FBRSL1: variants seen among roughly 807,000 people sequenced by gnomAD.
FBRSL1 encodes the protein fibrosin-1-like protein.
A neutral mutation model predicts 89.6 loss-of-function variants in FBRSL1; 51 were observed. The observed-to-expected ratio is 0.57, with a 90% CI of 0.45 to 0.72. The LOEUF is 0.72. Among genes scored for constraint, FBRSL1 ranks in the 30% least tolerant of loss-of-function variants. The pLI, the probability that FBRSL1 is intolerant of heterozygous loss-of-function variation, is 0.00. For synonymous variants in FBRSL1, 779 were observed against 681.1 expected (o/e 1.14, Z -2.24); for missense variants, 1,618 against 1,451.8 (o/e 1.11, Z -1.86).
rs1217056414 is a variant in FBRSL1, at chr12:132,572,288, T to C, written c.1378T>C (p.Phe460Leu). 1.9e-6 allele frequency: 3 copies of C among 1,550,826 alleles called. No individual in the cohort carries two copies. The highest frequency in any genetic ancestry group is 2.7e-5 in the African/African-American group (2 of 73,014). ...TCACCCTCCTCTCCTTCCCTTCCAG[T>C]TTGACAAGTATGCGCCCAAGCTGGA... ...GLACRPRECQ[F>L]DKYAPKLDSP... Residue 460 changes from phenylalanine to leucine, a missense_variant and splice_region_variant, in exon 10 of 19, where the codon TTT becomes CTT. Physicochemically the swap from Phe to Leu is conservative, Grantham distance 22. Coordinates refer to ENST00000680143, the MANE Select transcript of FBRSL1 (RefSeq NM_001367871.1).
chr12:132,567,460 AC>A lies in FBRSL1; in HGVS notation c.646-15del, dbSNP rs906750384. 7.7e-6 allele frequency: 12 copies of A among 1,549,856 alleles called. No individual in the cohort carries two copies. Among genetic ancestry groups the A allele is most frequent in the Non-Finnish European group, 1.0e-5 (12 of 1,146,480 alleles). ...ATGAGGACCACCCTGACTGCCCCTG[AC>A]CCCCCTTCTCTCTCTCCAGGCATCC... On this transcript the variant is annotated intron_variant, in intron 5 of 18. Transcript: ENST00000680143.
intron 1 of FBRSL1, among the ~76,000 whole-genome samples, chr12:132,505,031 CAGG>C (rs1398382498): frequency 6.6e-6 from 1 of 152,186 alleles, no homozygotes; most frequent in African/African-American, 2.4e-5. Context: ...GAGGCTGAGG[CAGG>C]AGAATTGCTT....
chr12:132,503,863 A>T (rs36098511), intron 1 of FBRSL1, among the ~76,000 whole-genome samples: 37,208 of 152,078 alleles, frequency 0.24, 5,277 homozygotes, highest in Non-Finnish European at 0.32. Context: ...GTGTGAGCCA[A>T]CAAGGTTCTG....
intron 5 of FBRSL1, chr12:132,551,457 G>C (rs760287169): frequency 2.2e-6 from 1 of 456,212 alleles, no homozygotes; most frequent in Non-Finnish European, 4.4e-6. Flanking sequence ...GCAGGTGGCA[G>C]TGCACCCCGA....
At position 132,570,588 on chromosome 12, in the gene FBRSL1, C is replaced by T. The variant is rs543763793; in HGVS notation, c.1213+48C>T. The T allele has an allele frequency of 6.6e-3, 9,322 of 1,409,274 alleles. 34 individuals are homozygous for T. Among genetic ancestry groups the T allele is most frequent in the Non-Finnish European group, 7.6e-3 (8,213 of 1,074,032 alleles). 87.3% of individuals were successfully genotyped at this position (1,409,274 alleles called of 1,614,324 possible). ...CGCCCAGGGCAGGGGTTGGGGGGTGCGGGGACACGGCCACCGGGGAGGGGC... is the reference window on the plus strand; with the variant it reads ...CGCCCAGGGCAGGGGTTGGGGGGTGTGGGGACACGGCCACCGGGGAGGGGC... On this transcript the variant is annotated intron_variant, in intron 8 of 18. Transcript: ENST00000680143.
In FBRSL1 at chr12:132,572,328, G is replaced by A. The variant is rs746418990; in HGVS notation, c.1418G>A (p.Arg473Gln). The change falls in exon 10 of 19, where the codon CGA becomes CAA. Residue 473 changes from arginine (R) to glutamine (Q), a missense_variant. Coordinates refer to ENST00000680143, the MANE Select transcript of FBRSL1 (RefSeq NM_001367871.1). ...YAPKLDSPYF[R>Q]HSSVSFFPSF... ...CCCAAGCTGGACAGCCCCTACTTCC[G>A]ACATTCCAGCGTGAGTGTGAGTGTC... 1.5e-5 allele frequency: 23 copies of A among 1,551,020 alleles called. No individual in the cohort carries two copies. The highest frequency in any genetic ancestry group is 7.1e-5 in the South Asian group (6 of 84,066).
At chr12:132,540,594 C>T (rs910596575) in intron 4 of FBRSL1, among the ~76,000 whole-genome samples, 5 of 152,028 alleles carry the variant, frequency 3.3e-5, no homozygotes, top group African/African-American at 1.2e-4. Flanking sequence ...CAGTGGACTC[C>T]ACACGCCCCC....
At chr12:132,543,337 G>C (rs1400938418) in intron 4 of FBRSL1, among the ~76,000 whole-genome samples, 3 of 152,198 alleles carry the variant, frequency 2.0e-5, no homozygotes, top group Non-Finnish European at 4.4e-5. Flanking sequence ...AGTGGGGCCA[G>C]GACCTGCCCA....
Position 132,583,742 on chromosome 12 carries a change from C to T in FBRSL1, c.2973C>T (p.Ser991=). The part of the protein sequence containing the change: ...GLGPGEARDY[S]PSRNPPEVEA... ...GGCCGGGCGAGGCGCGCGACTACTC[C>T]CCGTCCCGAAATCCCCCGGAGGTGG... is the stretch of plus-strand genomic sequence containing the variant. The change falls in exon 19 of 19, where the codon TCC becomes TCT. Residue 991 remains serine, a synonymous_variant. Transcript: ENST00000680143. The T allele has an allele frequency of 1.6e-6, 2 of 1,217,220 alleles. No individual in the cohort carries two copies. The highest frequency in any genetic ancestry group is 1.0e-6 in the Non-Finnish European group (1 of 978,556). 75.4% of individuals were successfully genotyped at this position (1,217,220 alleles called of 1,614,324 possible). A position where few individuals can be genotyped will look rare whatever the true frequency, so the allele number is the denominator to read the frequency against.
chr12:132,555,825 C>T (rs1253289176), intron 5 of FBRSL1, among the ~76,000 whole-genome samples: 1 of 152,224 alleles, frequency 6.6e-6, no homozygotes, highest in Non-Finnish European at 1.5e-5. Flanking sequence ...GGGAGGGCCC[C>T]ATCTGAGGGT....
rs185234883 is a variant in FBRSL1, at chr12:132,546,348, G to A, written c.616-1655G>A. Among the ~76,000 whole-genome samples, 702 of 152,390 alleles carry A rather than the reference G, an allele frequency of 4.6e-3. 3 individuals carry two copies. The highest frequency in any genetic ancestry group is 8.3e-3 in the East Asian group (43 of 5,176). ...TGAGCTCCGCACCTGCAGCCTCCGG[G>A]GCGGGATGGGCCCGGTTCTGACTTG... On this transcript the variant is annotated intron_variant, in intron 4 of 18. Transcript: ENST00000680143. The surrounding 1 kb of genome is among the most constrained non-coding windows in gnomAD (Gnocchi z 4.0).
rs188528377 is a variant in FBRSL1, at chr12:132,567,335, C to G, written c.646-146C>G. On this transcript the variant is annotated intron_variant, in intron 5 of 18. Transcript: ENST00000680143. The stretch of plus-strand genomic sequence containing the variant: ...CGTGGAGCTCAGGACTAAGCGTGTT[C>G]ACCTCGTACACGGGGGCATCCACAA... 2.4e-4 allele frequency: 171 copies of G among 719,756 alleles called. 1 individual carries two copies. In the East Asian group the frequency reaches 4.0e-3, roughly 17 times the overall value. The allele number at this position is 719,756 out of a possible 1,614,324, so 44.6% of individuals were successfully genotyped here.
intron 6 of FBRSL1, among the ~76,000 whole-genome samples, chr12:132,567,940 C>T (rs1009090206): frequency 1.3e-5 from 2 of 152,190 alleles, no homozygotes; most frequent in Non-Finnish European, 2.9e-5. Flanking sequence ...CTCTGTGGTG[C>T]AGTGGAGGGG....
Position 132,583,873 on chromosome 12 carries a change from G to A in FBRSL1, c.*95G>A. ...CAAGCACAGCTCCCGCCGATCCTGGGGCGGCGCCGCCTCTCCACCCGCAGC... is the reference window on the plus strand; with the variant it reads ...CAAGCACAGCTCCCGCCGATCCTGGAGCGGCGCCGCCTCTCCACCCGCAGC... On this transcript the variant is annotated 3_prime_UTR_variant, in exon 19 of 19. Coordinates refer to ENST00000680143, the MANE Select transcript of FBRSL1 (RefSeq NM_001367871.1). 1 of 714,868 alleles carries A rather than the reference G, an allele frequency of 1.4e-6. No homozygotes were observed. The highest frequency in any genetic ancestry group is 1.8e-6 in the Non-Finnish European group (1 of 552,080). The allele number at this position is 714,868 out of a possible 1,614,324, so 44.3% of individuals were successfully genotyped here.
At chr12:132,507,435 C>G in intron 1 of FBRSL1, 1 of 985,494 alleles carries the variant, frequency 1.0e-6, no homozygotes, top group Non-Finnish European at 1.2e-6. Flanking sequence ...ACCCCAGAAC[C>G]TGGGGCTGCC....
chr12:132,549,380 G>A (rs925548276), intron 5 of FBRSL1, among the ~76,000 whole-genome samples: 5 of 152,292 alleles, frequency 3.3e-5, no homozygotes, highest in African/African-American at 7.2e-5. Flanking sequence ...GTGGCTCCGC[G>A]TGGCCCTCAG....
intron 2 of FBRSL1, among the ~76,000 whole-genome samples, chr12:132,515,936 A>G (rs2034803240): frequency 6.6e-6 from 1 of 151,730 alleles, no homozygotes. Context: ...TAAGGTAGGA[A>G]ACAGACAATA....
chr12:132,497,529 C>T (rs1326156349), intron 1 of FBRSL1, among the ~76,000 whole-genome samples: 1 of 152,072 alleles, frequency 6.6e-6, no homozygotes. Flanking sequence ...GACTCCCCCT[C>T]CATACTCCCC....
chr12:132,532,545 G>A (rs1025612292), intron 4 of FBRSL1, among the ~76,000 whole-genome samples: 4 of 152,166 alleles, frequency 2.6e-5, no homozygotes, highest in African/African-American at 9.7e-5. Flanking sequence ...GGTCACAGAT[G>A]CCCACCCTGC....
Sources: gnomAD v4.1 joint callset for allele counts (sites outside exome capture counted in the v4.1 genomes callset) on GRCh38, gnomAD v4.1.1 for gene constraint, Gnocchi (gnomAD v3.1) non-coding constraint, MANE v1.5 for transcripts, NCBI Gene and HGNC (gene_info 2026-07-23, HGNC 2026-07-21) for gene names.